Variants in CWC25 observed in about 807,000 individuals in gnomAD.
CWC25 encodes pre-mRNA-splicing factor CWC25 homolog.
CWC25 carries 31 observed loss-of-function variants against 54.6 expected under a neutral mutation model. That is an observed-to-expected ratio of 0.57 (90% CI 0.43 to 0.77). The LOEUF (loss-of-function observed/expected upper bound fraction) is 0.77, where lower values mean the gene tolerates loss of function less well. CWC25 is among the 30% of genes least tolerant of loss of function. CWC25 has a pLI of 0.00. For missense variants in CWC25, 453 were observed against 529.3 expected (o/e 0.86, Z 1.41); for synonymous variants, 151 against 187.0 (o/e 0.81, Z 1.57).
At chr17:38,822,133 G>C (rs532393737) in intron 1 of CWC25, among the ~76,000 whole-genome samples, 1 of 151,888 alleles carries the variant, frequency 6.6e-6, no homozygotes, top group African/African-American at 2.4e-5. Flanking sequence ...GCAGGATCTC[G>C]GGTCACGGCA....
At chr17:38,823,129 C>T (rs1192455584) in intron 1 of CWC25, among the ~76,000 whole-genome samples, 1 of 151,098 alleles carries the variant, frequency 6.6e-6, no homozygotes, top group Non-Finnish European at 1.5e-5. Context: ...TGAGCCACCA[C>T]ACCCAGCCTG....
chr17:38,823,569 C>T (rs1017255879), intron 1 of CWC25, among the ~76,000 whole-genome samples: 1 of 152,020 alleles, frequency 6.6e-6, no homozygotes, highest in Admixed American at 6.6e-5. Flanking sequence ...GGAAAATGTT[C>T]GGTCAATGAG....
At chr17:38,817,987 T>A (rs1300255892) in intron 2 of CWC25, among the ~76,000 whole-genome samples, 2 of 148,228 alleles carry the variant, frequency 1.3e-5, no homozygotes, top group African/African-American at 2.5e-5. Flanking sequence ...ATAATAATAA[T>A]AAATAATAGG....
At chr17:38,823,122 G>C (rs1444875755) in intron 1 of CWC25, among the ~76,000 whole-genome samples, 2 of 150,382 alleles carry the variant, frequency 1.3e-5, no homozygotes, top group East Asian at 1.9e-4. Flanking sequence ...ACAGGTGTGA[G>C]CCACCACACC....
intron 2 of CWC25, among the ~76,000 whole-genome samples, chr17:38,817,339 CAA>C (rs1162629766): frequency 2.3e-5 from 3 of 130,874 alleles, no homozygotes; most frequent in Admixed American, 8.0e-5. Context: ...GACTCGGTCT[CAA>C]AAAAAAAAAA....
chr17:38,825,101 C>T (rs1156239668), intron 1 of CWC25, 65 bp downstream of exon 1: 10 of 1,396,232 alleles, frequency 7.2e-6, no homozygotes, highest in Admixed American at 5.4e-5. Context: ...CTTCCTCTAC[C>T]CCCACCCCCT....
chr17:38,807,046 G>A, intron 6 of CWC25, 70 bp from the exon 7 acceptor site: 1 of 1,239,282 alleles, frequency 8.1e-7, no homozygotes, highest in Non-Finnish European at 1.1e-6. Context: ...ACGCGGCCGG[G>A]CTCAGTGGCT....
chr17:38,823,004 A>T (rs1463408389), intron 1 of CWC25, among the ~76,000 whole-genome samples: 1 of 149,730 alleles, frequency 6.7e-6, no homozygotes, highest in Non-Finnish European at 1.5e-5. Context: ...TGCCCAGCTA[A>T]TTTTTTTTGT....
At chr17:38,825,061 G>A in intron 1 of CWC25, 105 bp downstream of exon 1, 1 of 1,097,260 alleles carries the variant, frequency 9.1e-7, no homozygotes. Flanking sequence ...CCCGGCGAAA[G>A]CAAAGCTGCG....
chr17:38,809,912 C>T (rs982844532), intron 5 of CWC25, 147 bp from the exon 6 acceptor site: 1 of 665,190 alleles, frequency 1.5e-6, no homozygotes, highest in Non-Finnish European at 2.5e-6. Flanking sequence ...TCTATTTGGA[C>T]TGTCTATGCC....
chr17:38,803,592 T>C (rs559104003), intron 8 of CWC25, among the ~76,000 whole-genome samples: 1 of 152,048 alleles, frequency 6.6e-6, no homozygotes, highest in East Asian at 1.9e-4. Flanking sequence ...ATCGCACCAC[T>C]GCACTCCAGC....
At chr17:38,818,868 A>C (rs1911811473) in intron 2 of CWC25, among the ~76,000 whole-genome samples, 1 of 152,102 alleles carries the variant, frequency 6.6e-6, no homozygotes, top group Non-Finnish European at 1.5e-5. Flanking sequence ...GACCTCATTA[A>C]TCAGACTCCA....
rs1911268302 is a variant in CWC25 at position 38,806,923 on chromosome 17, T to C, written c.744A>G (p.Gln248=). ...QGLQGPLTAE[Q]KRGHGMKNHS... ...GGTTCTTCATCCCATGCCCTCTCTT[T>C]TGCTCTGCTGTCAGAGGACCCTGAA... is the stretch of plus-strand genomic sequence containing the variant. The change falls in exon 7 of 10, where the codon CAA becomes CAG. Residue 248 remains glutamine, a synonymous_variant. Transcript: ENST00000614790. The C allele has an allele frequency of 1.9e-6, 3 of 1,613,842 alleles. No individual in the cohort carries two copies. Among genetic ancestry groups the C allele is most frequent in the Non-Finnish European group, 2.5e-6 (3 of 1,179,886 alleles).
At chr17:38,810,163 C>G in intron 5 of CWC25, 1 of 440,614 alleles carries the variant, frequency 2.3e-6, no homozygotes, top group Non-Finnish European at 4.0e-6. Context: ...GAATCCTAAG[C>G]TGAGATGAAA....
chr17:38,822,037 G>A (rs145237196), intron 1 of CWC25, among the ~76,000 whole-genome samples: 108 of 152,042 alleles, frequency 7.1e-4, no homozygotes, highest in African/African-American at 2.3e-3. Context: ...CAAACTGCTG[G>A]GATTACAGGG....
chr17:38,820,593 C>T (rs987883563), intron 2 of CWC25, among the ~76,000 whole-genome samples: 1 of 152,164 alleles, frequency 6.6e-6, no homozygotes, highest in Non-Finnish European at 1.5e-5. Context: ...TCCTCCATCA[C>T]GGTTATCAGC....
Position 38,802,867 on chromosome 17 carries a change from G to C in CWC25, c.1002-6C>G. 1 of 1,613,668 alleles carries C rather than the reference G, an allele frequency of 6.2e-7. No homozygotes were observed. On this transcript the variant is annotated splice_polypyrimidine_tract_variant and splice_region_variant and intron_variant, in intron 8 of 9. Transcript: ENST00000614790. ...ATTCCTCTGCAGAGAGTTTTCTGTTGAGCACAGAAACCATACGATCAGGTC... is the reference window on the plus strand; with the variant it reads ...ATTCCTCTGCAGAGAGTTTTCTGTTCAGCACAGAAACCATACGATCAGGTC...
intron 4 of CWC25, among the ~76,000 whole-genome samples, chr17:38,811,654 C>T (rs1421884517): frequency 6.6e-6 from 1 of 151,824 alleles, no homozygotes; most frequent in Non-Finnish European, 1.5e-5. Flanking sequence ...AAGTCCAGGA[C>T]ATTATAGGGG....
At chr17:38,814,797 C>A (rs541360505) in intron 3 of CWC25, 64 bp downstream of exon 3, 42 of 770,854 alleles carry the variant, frequency 5.4e-5, no homozygotes, top group Non-Finnish European at 7.1e-5. Context: ...GCAAGAGAAT[C>A]AATGGCCTTA....
Sources: gnomAD v4.1 joint callset for allele counts (sites outside exome capture counted in the v4.1 genomes callset) on GRCh38, gnomAD v4.1.1 for gene constraint, MANE v1.5 for transcripts, NCBI Gene and HGNC (gene_info 2026-07-23, HGNC 2026-07-21) for gene names.